SORCS2: variants seen among roughly 807,000 people sequenced by gnomAD.
SORCS2 encodes sortilin related VPS10 domain containing receptor 2.
SORCS2 carries 100 observed loss-of-function variants against 141.6 expected under a neutral mutation model. That is an observed-to-expected ratio of 0.71 (90% CI 0.60 to 0.83). The LOEUF (loss-of-function observed/expected upper bound fraction) is 0.83. Among genes scored for constraint, SORCS2 ranks in the 40% least tolerant of loss-of-function variants. SORCS2 has a pLI of 0.00. For missense variants in SORCS2, 1,646 were observed against 1,560.2 expected, an observed-to-expected ratio of 1.05 and a Z score of -0.93; for synonymous variants, 789 against 676.9, an observed-to-expected ratio of 1.17 and a Z score of -2.57.
intron 2 of SORCS2, chr4:7,434,618 G>A: frequency 3.1e-6 from 5 of 1,613,410 alleles, no homozygotes; most frequent in Non-Finnish European, 4.2e-6. Flanking sequence ...ACCAAAGCCA[G>A]GATGTCAGAC....
At position 7,741,107 on chromosome 4, in the gene SORCS2, C is replaced by A. The variant is rs564608623; in HGVS notation, c.*843C>A. 2 of 398,542 alleles carry A rather than the reference C, an allele frequency of 5.0e-6. No homozygotes were observed. The highest frequency in any genetic ancestry group is 4.4e-5 in the Admixed American group (1 of 22,718). 24.7% of individuals were successfully genotyped at this position (398,542 alleles called of 1,614,324 possible). ...TCCCACCTGATGGCTGTTCTCCCAC[C>A]GGGTCTGGGCTCTGGAAGGAGCCAG... is the stretch of plus-strand genomic sequence containing the variant. On this transcript the variant is annotated 3_prime_UTR_variant, in exon 27 of 27. Coordinates refer to ENST00000507866, the MANE Select transcript of SORCS2 (RefSeq NM_020777.3).
chr4:7,451,747 C>T (rs116280547), intron 2 of SORCS2, among the ~76,000 whole-genome samples: 1,766 of 152,296 alleles, frequency 0.012, 32 homozygotes, highest in African/African-American at 0.041. Flanking sequence ...GTGTGCCAGG[C>T]TGGTTTTGTG....
intron 18 of SORCS2, 100 bp downstream of exon 18, chr4:7,718,283 A>C: frequency 7.2e-7 from 1 of 1,395,950 alleles, no homozygotes; most frequent in Non-Finnish European, 9.6e-7. Context: ...TCCACCTAGA[A>C]GTGGCTCAGG....
chr4:7,434,970 A>G, intron 2 of SORCS2: 2 of 1,436,268 alleles, frequency 1.4e-6, no homozygotes, highest in Non-Finnish European at 1.8e-6. Context: ...GAGGCACGGA[A>G]GGGCGGCCCC....
At chr4:7,349,046 G>T (rs2109002222) in intron 1 of SORCS2, among the ~76,000 whole-genome samples, 1 of 152,274 alleles carries the variant, frequency 6.6e-6, no homozygotes, top group South Asian at 2.1e-4. Context: ...TTGATTGATG[G>T]CTACCAAGGG....
chr4:7,238,506 G>C (rs895396345), intron 1 of SORCS2, among the ~76,000 whole-genome samples: 3 of 152,210 alleles, frequency 2.0e-5, no homozygotes, highest in Non-Finnish European at 2.9e-5. Context: ...GTGGCGCTGT[G>C]AGCTCAGAGC....
At chr4:7,514,005 T>C (rs59285935) in intron 2 of SORCS2, among the ~76,000 whole-genome samples, 1 of 152,284 alleles carries the variant, frequency 6.6e-6, no homozygotes, top group East Asian at 1.9e-4. Flanking sequence ...TTGTTGCCTT[T>C]ATGGAGCCTG....
chr4:7,416,501 C>T (rs1020291602), intron 2 of SORCS2, among the ~76,000 whole-genome samples: 18 of 151,976 alleles, frequency 1.2e-4, no homozygotes, highest in African/African-American at 2.2e-4. Flanking sequence ...CACACAGACA[C>T]GCACGCTTCC....
chr4:7,471,393 C>T (rs1292878014), intron 2 of SORCS2, among the ~76,000 whole-genome samples: 2 of 152,240 alleles, frequency 1.3e-5, no homozygotes, highest in African/African-American at 4.8e-5. Flanking sequence ...GCCAGGTCTC[C>T]ATTTATAAAT....
intron 1 of SORCS2, among the ~76,000 whole-genome samples, chr4:7,338,311 G>A (rs1478754932): frequency 2.0e-5 from 3 of 150,716 alleles, no homozygotes; most frequent in African/African-American, 7.3e-5. Flanking sequence ...TGGATGGATG[G>A]ATGTCGGTTG....
At chr4:7,454,628 T>A (rs1577591475) in intron 2 of SORCS2, among the ~76,000 whole-genome samples, 1 of 100,050 alleles carries the variant, frequency 1.0e-5, no homozygotes, top group Admixed American at 1.1e-4. Context: ...TGGGGTCAGG[T>A]GCTGTGTGTT....
chr4:7,485,377 A>G (rs1730914203), intron 2 of SORCS2, among the ~76,000 whole-genome samples: 1 of 152,062 alleles, frequency 6.6e-6, no homozygotes, highest in African/African-American at 2.4e-5. Context: ...TGCCTCCACA[A>G]CTATCCCGTC....
At chr4:7,652,258 G>T (rs939466734) in intron 4 of SORCS2, among the ~76,000 whole-genome samples, 3 of 152,174 alleles carry the variant, frequency 2.0e-5, no homozygotes, top group African/African-American at 7.2e-5. Context: ...TTTCCCACGG[G>T]CCACTGTGGA....
intron 14 of SORCS2, among the ~76,000 whole-genome samples, chr4:7,708,154 G>A (rs1042097622): frequency 2.6e-5 from 4 of 152,188 alleles, no homozygotes; most frequent in Non-Finnish European, 5.9e-5. Flanking sequence ...CCACGAGGTC[G>A]CCGCAAATGA....
At chr4:7,509,207 C>T (rs759774803) in intron 2 of SORCS2, among the ~76,000 whole-genome samples, 1 of 152,156 alleles carries the variant, frequency 6.6e-6, no homozygotes, top group South Asian at 2.1e-4. Context: ...CGCTGCCCCC[C>T]CAGAGCAAGG....
intron 3 of SORCS2, among the ~76,000 whole-genome samples, chr4:7,542,668 G>T (rs1441127882): frequency 6.6e-6 from 1 of 152,210 alleles, no homozygotes; most frequent in Non-Finnish European, 1.5e-5. Context: ...CTGTTTGAAG[G>T]CACCAGTGTG....
intron 1 of SORCS2, among the ~76,000 whole-genome samples, chr4:7,386,428 CAT>C (rs1723323179): frequency 8.9e-6 from 1 of 112,292 alleles, no homozygotes; most frequent in African/African-American, 3.6e-5. Context: ...CATGCACACA[CAT>C]ACAGGTACAC....
At chr4:7,393,894 C>G (rs1292108100) in intron 1 of SORCS2, among the ~76,000 whole-genome samples, 1 of 152,112 alleles carries the variant, frequency 6.6e-6, no homozygotes, top group Non-Finnish European at 1.5e-5. Flanking sequence ...GCGTGGAACC[C>G]GGGTGGTCTG....
At chr4:7,329,824 C>T (rs758453176) in intron 1 of SORCS2, among the ~76,000 whole-genome samples, 1 of 152,134 alleles carries the variant, frequency 6.6e-6, no homozygotes, top group Non-Finnish European at 1.5e-5. Flanking sequence ...CAGCCAGGCT[C>T]AGCCACGGTG....
Sources: allele counts gnomAD v4.1 joint callset (sites outside exome capture counted in the v4.1 genomes callset), GRCh38; gene constraint gnomAD v4.1.1; transcripts MANE v1.5; gene names NCBI Gene and HGNC (gene_info 2026-07-23, HGNC 2026-07-21).